Variants in ZNF140 observed in about 807,000 individuals in gnomAD.
The protein encoded by ZNF140 is zinc finger protein 140 (clone pHZ-39).
In ZNF140, 13 loss-of-function variants were observed where a neutral mutation model predicts 12.9. The observed-to-expected ratio is 1.01, with a 90% CI of 0.66 to 1.60. The LOEUF (loss-of-function observed/expected upper bound fraction) is 1.60, where lower values mean the gene tolerates loss of function less well. ZNF140 is among the 40% of genes most tolerant of loss of function. The pLI, the probability that ZNF140 is intolerant of heterozygous loss-of-function variation, is 0.00. For missense variants in ZNF140, 531 were observed against 548.8 expected (o/e 0.97, Z 0.32); for synonymous variants, 214 against 186.7 (o/e 1.15, Z -1.19).
intron 4 of ZNF140, 28 bp from the exon 5 acceptor site, chr12:133,105,482 C>A (rs201035536): frequency 6.5e-7 from 1 of 1,538,218 alleles, no homozygotes; most frequent in Non-Finnish European, 8.7e-7. Context: ...GAAAAAGAAA[C>A]ATTCACTTTT....
intron 4 of ZNF140, chr12:133,084,269 G>C (rs926468916): frequency 8.3e-6 from 3 of 361,078 alleles, no homozygotes; most frequent in Non-Finnish European, 1.0e-5. Flanking sequence ...ATATTTTGCT[G>C]TTCTATTTAA....
intron 4 of ZNF140, among the ~76,000 whole-genome samples, chr12:133,092,256 A>G (rs1954918510): frequency 6.6e-6 from 1 of 151,012 alleles, no homozygotes; most frequent in South Asian, 2.1e-4. Context: ...ATATGTACGG[A>G]TGGAGAAGCC....
intron 4 of ZNF140, among the ~76,000 whole-genome samples, chr12:133,101,830 C>A (rs1955360765): frequency 6.6e-6 from 1 of 152,168 alleles, no homozygotes; most frequent in Non-Finnish European, 1.5e-5. Flanking sequence ...TCTCATCTTG[C>A]ATCTTGTATA....
At chr12:133,093,856 ATC>A (rs1336110432) in intron 4 of ZNF140, among the ~76,000 whole-genome samples, 2 of 149,746 alleles carry the variant, frequency 1.3e-5, no homozygotes, top group African/African-American at 5.0e-5. Flanking sequence ...TCTCTCTCTA[ATC>A]TCTGTCTCTT....
chr12:133,106,503 G>T lies in ZNF140; in HGVS notation c.1226G>T (p.Gly409Val), dbSNP rs747901476. The change falls in exon 5 of 5, where the codon GGA becomes GTA. Residue 409 changes from glycine to valine, a missense_variant. Gly to Val is a moderately radical substitution (Grantham distance 109). Transcript: ENST00000355557. ...ATTCTACATCAGAGAACTCATACTG[G>T]AGAGAAACCCTATGTATGTAAGGTA... ...SLILHQRTHT[G>V]EKPYVCKVCN... The T allele has an allele frequency of 5.6e-6, 9 of 1,613,998 alleles. No homozygotes were observed. Among genetic ancestry groups the T allele is most frequent in the Non-Finnish European group, 7.6e-6 (9 of 1,179,996 alleles).
intron 4 of ZNF140, among the ~76,000 whole-genome samples, chr12:133,101,995 T>A (rs1321018356): frequency 1.3e-5 from 2 of 152,178 alleles, no homozygotes; most frequent in Non-Finnish European, 2.9e-5. Flanking sequence ...CCTCATAATT[T>A]TACATTGAAG....
In ZNF140 at chr12:133,104,500, T is replaced by C. The variant is rs757894057; in HGVS notation, c.233-1010T>C. Among the ~76,000 whole-genome samples, 471 of 151,790 alleles carry C rather than the reference T, an allele frequency of 3.1e-3. 2 individuals are homozygous for C. The highest frequency in any genetic ancestry group is 6.8e-3 in the Middle Eastern group (2 of 294). On this transcript the variant is annotated intron_variant, in intron 4 of 4. Coordinates refer to ENST00000355557, the MANE Select transcript of ZNF140 (RefSeq NM_003440.4). ...CTGAGTACCTGGGACTACAGGTGCA[T>C]GCCATCACGCCTGGCTAATTTTTTG...
At chr12:133,082,169 C>T (rs1428577117) in intron 2 of ZNF140, 1 of 152,210 alleles carries the variant, frequency 6.6e-6, no homozygotes, top group Non-Finnish European at 1.5e-5. Flanking sequence ...AAATGAGTCC[C>T]TCATTTCAGT....
chr12:133,084,590 CAGAA>C (rs1415855544), intron 4 of ZNF140, among the ~76,000 whole-genome samples: 1 of 152,146 alleles, frequency 6.6e-6, no homozygotes, highest in Non-Finnish European at 1.5e-5. Context: ...AAACAAAAGA[CAGAA>C]AAAGGGTCAG....
At chr12:133,099,910 G>C (rs1429984437) in intron 4 of ZNF140, among the ~76,000 whole-genome samples, 2 of 151,272 alleles carry the variant, frequency 1.3e-5, no homozygotes, top group African/African-American at 4.8e-5. Flanking sequence ...AATCTCACAG[G>C]CTACAGAATT....
chr12:133,095,754 A>G (rs990146671), intron 4 of ZNF140, among the ~76,000 whole-genome samples: 52 of 151,168 alleles, frequency 3.4e-4, no homozygotes, highest in Non-Finnish European at 5.2e-4. Context: ...TCTATGTCAT[A>G]ATTAGGTTTA....
At position 133,083,253 on chromosome 12, in the gene ZNF140, T is replaced by C. The variant is rs975413261; in HGVS notation, c.136+24T>C. On this transcript the variant is annotated intron_variant, in intron 3 of 4. Transcript: ENST00000355557. ...GGGTAAGTATTCTTCTTCATCTCCC[T>C]CAAGGCAAAATTTGACCGTTAGGGT... The C allele has an allele frequency of 3.8e-5, 61 of 1,599,658 alleles. No individual in the cohort carries two copies. The African/African-American group carries it at 7.1e-4, about 19-fold the overall frequency.
chr12:133,083,222 C>T lies in ZNF140; in HGVS notation c.129C>T (p.Val43=). 4.3e-6 allele frequency: 7 copies of T among 1,612,548 alleles called. No individual in the cohort carries two copies. Among genetic ancestry groups the T allele is most frequent in the Non-Finnish European group, 5.1e-6 (6 of 1,178,836 alleles). The change falls in exon 3 of 5, where the codon GTC becomes GTT. Residue 43 remains valine, a synonymous_variant. Transcript: ENST00000355557. ...TGTTGGAGAACTATGGCCATCTGGT[C>T]TCACTGGGTAAGTATTCTTCTTCAT... ...CVMLENYGHL[V]SLGLSISKPD...
At chr12:133,089,301 T>C (rs1015553211) in intron 4 of ZNF140, among the ~76,000 whole-genome samples, 2 of 151,960 alleles carry the variant, frequency 1.3e-5, no homozygotes, top group Non-Finnish European at 2.9e-5. Flanking sequence ...CAGCCTCAAC[T>C]TCCCCCGGCC....
chr12:133,097,850 T>TGTGTGTGTGTGTG (rs1491441408), intron 4 of ZNF140, among the ~76,000 whole-genome samples: 13 of 150,350 alleles, frequency 8.6e-5, no homozygotes, highest in Non-Finnish European at 1.2e-4. Context: ...TGTGTGTGTG[T>TGTGTGTGTGTGTG]TTTTGAGATG....
chr12:133,099,614 A>G (rs981966681), intron 4 of ZNF140, among the ~76,000 whole-genome samples: 3 of 152,174 alleles, frequency 2.0e-5, no homozygotes, highest in African/African-American at 7.2e-5. Flanking sequence ...TGAGCCCAGG[A>G]ATTTGAGGCT....
intron 4 of ZNF140, among the ~76,000 whole-genome samples, chr12:133,086,879 A>T (rs1954694045): frequency 6.6e-6 from 1 of 152,218 alleles, no homozygotes; most frequent in Non-Finnish European, 1.5e-5. Context: ...AGTACCATTT[A>T]TTGATAGATC....
In ZNF140 at chr12:133,100,032, A is replaced by G. The variant is rs73425977; in HGVS notation, c.233-5478A>G. 8.7e-3 allele frequency among the ~76,000 whole-genome samples: 1,318 copies of G among 150,938 alleles called. 7 individuals carry two copies. The highest frequency in any genetic ancestry group is 0.028 in the Middle Eastern group (8 of 290). On this transcript the variant is annotated intron_variant, in intron 4 of 4. Transcript: ENST00000355557. ...ATCTGATGTACGGTAATCCTCCCCT[A>G]TCTTCAGGGGATATTTTCCACAACC...
intron 4 of ZNF140, among the ~76,000 whole-genome samples, chr12:133,101,959 CT>C (rs1275544316): frequency 1.8e-3 from 257 of 145,248 alleles, no homozygotes; most frequent in Admixed American, 1.4e-3. Flanking sequence ...TCTGTTCAAA[CT>C]TTTTTTTTTT....
Sources: allele counts gnomAD v4.1 joint callset (sites outside exome capture counted in the v4.1 genomes callset), GRCh38; gene constraint gnomAD v4.1.1; transcripts MANE v1.5; gene names NCBI Gene and HGNC (gene_info 2026-07-23, HGNC 2026-07-21).